Variants in PKHD1 observed in about 807,000 individuals in gnomAD.
PKHD1 encodes PKHD1 ciliary IPT domain containing fibrocystin/polyductin, also known as fibrocystin.
In PKHD1, 291 loss-of-function variants were observed where a neutral mutation model predicts 412.0. That is an observed-to-expected ratio of 0.71 (90% CI 0.64 to 0.78). PKHD1 has a LOEUF of 0.78. Ranked by LOEUF, PKHD1 falls within the 30% of genes least tolerant of loss-of-function variation. The probability of loss-of-function intolerance (pLI) is 0.00; values close to 1 mark genes in which losing one functional copy is unlikely to be tolerated. For missense variants in PKHD1, 4,825 were observed against 4,950.7 expected (o/e 0.97, Z 0.76); for synonymous variants, 1,777 against 1,821.5 (o/e 0.98, Z 0.62).
chr6:51,843,122 G>C (rs1770528177), intron 50 of PKHD1, among the ~76,000 whole-genome samples: 1 of 152,242 alleles, frequency 6.6e-6, no homozygotes, highest in Non-Finnish European at 1.5e-5. Context: ...GATGCCGAGA[G>C]GATCGTTAGA....
At chr6:51,683,477 G>T (rs1459978055) in intron 60 of PKHD1, among the ~76,000 whole-genome samples, 1 of 152,030 alleles carries the variant, frequency 6.6e-6, no homozygotes. Context: ...ATAGGCTCAG[G>T]ATGGGAAAGT....
Position 51,836,404 on chromosome 6 carries a change from C to T in PKHD1, c.8173G>A (p.Ala2725Thr), listed in dbSNP as rs1769228791. ...VKEGMPPTISASTSAPESALK... is the reference protein window; with the variant it reads ...VKEGMPPTISTSTSAPESALK... ...TTCTACTTCGTGTGTTAATACTCAC[C>T]TGAAATAGTTGGGGGCATACCTTCC... is the stretch of plus-strand genomic sequence containing the variant. The change falls in exon 51 of 67, where the codon GCT becomes ACT. Residue 2725 changes from alanine to threonine, a missense_variant and splice_region_variant. Transcript: ENST00000371117. 1 of 1,604,164 alleles carries T rather than the reference C, an allele frequency of 6.2e-7. No homozygotes were observed. The highest frequency in any genetic ancestry group is 8.5e-7 in the Non-Finnish European group (1 of 1,171,146).
chr6:51,817,260 A>C (rs866388450), intron 52 of PKHD1, among the ~76,000 whole-genome samples: 16 of 152,184 alleles, frequency 1.1e-4, no homozygotes, highest in Non-Finnish European at 1.2e-4. Flanking sequence ...GATCTTGCTA[A>C]ATGTAAACCC....
rs867327260 is a variant in PKHD1 at position 51,659,654 on chromosome 6, G to A, written c.10472C>T (p.Thr3491Ile). 2 of 1,613,760 alleles carry A rather than the reference G, an allele frequency of 1.2e-6. No individual in the cohort carries two copies. The highest frequency in any genetic ancestry group is 1.7e-6 in the Non-Finnish European group (2 of 1,179,834). ...GAATACAGCCAAGAGAAGCTTGGAG[G>A]TACTTTTGTTCCCCAATAGAAAAAA... is the stretch of plus-strand genomic sequence containing the variant. ...LRFFLLGNKSTSKLLLAVFYH... is the reference protein window; with the variant it reads ...LRFFLLGNKSISKLLLAVFYH... Residue 3491 changes from threonine (T) to isoleucine (I), a missense_variant, in exon 61 of 67, where the codon ACC becomes ATC. By Grantham distance (89) the Thr-to-Ile change is moderately conservative. Coordinates refer to ENST00000371117, the MANE Select transcript of PKHD1 (RefSeq NM_138694.4).
chr6:51,658,944 G>C lies in PKHD1; in HGVS notation c.11174+8C>G. On this transcript the variant is annotated splice_region_variant and intron_variant, in intron 61 of 66. Coordinates refer to ENST00000371117, the MANE Select transcript of PKHD1 (RefSeq NM_138694.4). ...CCTCATTTGGATGTGAATATAATTA[G>C]TACTTACCCATAGCCAATGACTCCC... The C allele has an allele frequency of 1.3e-6, 2 of 1,586,634 alleles. No individual in the cohort carries two copies. Among genetic ancestry groups the C allele is most frequent in the Non-Finnish European group, 1.7e-6 (2 of 1,155,274 alleles).
intron 43 of PKHD1, among the ~76,000 whole-genome samples, chr6:51,903,255 A>G: frequency 6.6e-6 from 1 of 152,220 alleles, no homozygotes; most frequent in East Asian, 1.9e-4. Flanking sequence ...GCAAGTAAAC[A>G]TTTCATACCA....
At chr6:52,006,537 C>T (rs997389807) in intron 35 of PKHD1, among the ~76,000 whole-genome samples, 1 of 151,990 alleles carries the variant, frequency 6.6e-6, no homozygotes, top group Non-Finnish European at 1.5e-5. Flanking sequence ...CCACCATGCT[C>T]GGCTCATTTT....
chr6:51,997,873 A>G (rs1797884626), intron 35 of PKHD1, among the ~76,000 whole-genome samples: 1 of 152,186 alleles, frequency 6.6e-6, no homozygotes. Context: ...TTTCTGCCTA[A>G]TGGTTCCATC....
At chr6:51,997,646 C>G (rs1478337410) in intron 35 of PKHD1, among the ~76,000 whole-genome samples, 1 of 152,176 alleles carries the variant, frequency 6.6e-6, no homozygotes, top group Non-Finnish European at 1.5e-5. Flanking sequence ...TCATGTCTCC[C>G]CAGAAACTTC....
At chr6:51,941,877 C>G (rs2499466) in intron 36 of PKHD1, among the ~76,000 whole-genome samples, 104,312 of 149,746 alleles carry the variant, frequency 0.7, 37,423 homozygotes, top group East Asian at 0.94. Flanking sequence ...CTGCCGCAAG[C>G]CTTCACAGAC....
chr6:51,626,829 G>A (rs1767294473), intron 66 of PKHD1, among the ~76,000 whole-genome samples, 168 bp downstream of exon 66: 1 of 152,114 alleles, frequency 6.6e-6, no homozygotes, highest in Non-Finnish European at 1.5e-5. Flanking sequence ...GAACCAGCCA[G>A]ACCTGTGTAT....
intron 35 of PKHD1, among the ~76,000 whole-genome samples, chr6:52,008,363 T>C (rs1291049093): frequency 6.6e-6 from 1 of 152,192 alleles, no homozygotes; most frequent in Non-Finnish European, 1.5e-5. Context: ...TTTTGAAACT[T>C]AACTACTTCC....
intron 27 of PKHD1, among the ~76,000 whole-genome samples, chr6:52,040,228 C>T (rs1009083399): frequency 2.0e-5 from 3 of 152,080 alleles, no homozygotes; most frequent in Non-Finnish European, 4.4e-5. Context: ...TAAGTTTATA[C>T]TTTTTAAAAA....
At chr6:52,072,875 T>C (rs144933124) in intron 7 of PKHD1, among the ~76,000 whole-genome samples, 31 of 152,366 alleles carry the variant, frequency 2.0e-4, no homozygotes, top group African/African-American at 7.0e-4. Context: ...TAGAGCTTCC[T>C]ACAGCCTCTA....
intron 37 of PKHD1, among the ~76,000 whole-genome samples, chr6:51,917,277 CA>C (rs922254355): frequency 7.3e-5 from 11 of 151,330 alleles, no homozygotes; most frequent in Admixed American, 2.0e-4. Flanking sequence ...AAGGAACTTA[CA>C]AAAAAAACTA....
intron 20 of PKHD1, among the ~76,000 whole-genome samples, chr6:52,053,794 T>C (rs1452314820): frequency 6.6e-6 from 1 of 152,222 alleles, no homozygotes; most frequent in Admixed American, 6.5e-5. Flanking sequence ...TTCCCCCAAC[T>C]ACGCTGTTCT....
At chr6:51,923,536 A>G (rs1358843101) in intron 37 of PKHD1, among the ~76,000 whole-genome samples, 1 of 152,080 alleles carries the variant, frequency 6.6e-6, no homozygotes. Context: ...AAAAACAATA[A>G]AAGTACCAAA....
At chr6:51,753,384 A>AT (rs780682661) in intron 56 of PKHD1, 31 bp from the exon 57 acceptor site, 13 of 1,596,984 alleles carry the variant, frequency 8.1e-6, no homozygotes, top group Non-Finnish European at 1.1e-5. Flanking sequence ...GGAAAAAAAA[A>AT]CTTTAAAAAC....
chr6:51,631,380 G>A (rs1337643629), intron 65 of PKHD1, among the ~76,000 whole-genome samples: 1 of 152,124 alleles, frequency 6.6e-6, no homozygotes, highest in Non-Finnish European at 1.5e-5. Context: ...TGATCAACAG[G>A]ATGAAGAGAG....
Sources: gnomAD v4.1 joint callset for allele counts (sites outside exome capture counted in the v4.1 genomes callset) on GRCh38, gnomAD v4.1.1 for gene constraint, MANE v1.5 for transcripts, NCBI Gene and HGNC (gene_info 2026-07-23, HGNC 2026-07-21) for gene names.